The following MET variants were observed in gnomAD, a reference collection of about 807,000 sequenced individuals.
MET encodes hepatocyte growth factor receptor.
In MET, 48 loss-of-function variants were observed where a neutral mutation model predicts 133.1. The ratio of observed to expected loss-of-function variants is 0.36; its 90% CI spans 0.29 to 0.46. The LOEUF (loss-of-function observed/expected upper bound fraction) is 0.46. Ranked by LOEUF, MET falls within the 20% of genes least tolerant of loss-of-function variation. MET has a pLI of 1.00. For synonymous variants in MET, 628 were observed against 616.5 expected (o/e 1.02, Z -0.28); for missense variants, 1,442 against 1,695.9 (o/e 0.85, Z 2.63).
At chr7:116,724,434 T>A (rs1457789894) in intron 2 of MET, among the ~76,000 whole-genome samples, 1 of 152,234 alleles carries the variant, frequency 6.6e-6, no homozygotes, top group Non-Finnish European at 1.5e-5. Flanking sequence ...GTCTTCTGCG[T>A]CGCTCACGCT....
intron 2 of MET, 82 bp downstream of exon 2, chr7:116,700,366 C>T: frequency 2.7e-6 from 4 of 1,463,986 alleles, no homozygotes; most frequent in Non-Finnish European, 3.6e-6. Context: ...ATATCCAGGG[C>T]TTCTTTTGTG....
At chr7:116,780,800 A>G (rs1269621250) in intron 17 of MET, among the ~76,000 whole-genome samples, 1 of 152,210 alleles carries the variant, frequency 6.6e-6, no homozygotes, top group Non-Finnish European at 1.5e-5. Context: ...TTGAAGGGGA[A>G]TACCCCATTC....
intron 16 of MET, among the ~76,000 whole-genome samples, chr7:116,777,687 A>G (rs1336422435): frequency 1.3e-5 from 2 of 152,202 alleles, no homozygotes; most frequent in African/African-American, 4.8e-5. Flanking sequence ...AGGGGGTAGG[A>G]GAAATGAGGT....
chr7:116,734,886 T>A (rs1793152919), intron 3 of MET, among the ~76,000 whole-genome samples: 7 of 152,174 alleles, frequency 4.6e-5, no homozygotes, highest in Admixed American at 4.6e-4. Context: ...ATTGTCCACG[T>A]CTCCCTTCTG....
At chr7:116,730,173 G>A (rs1300316498) in intron 2 of MET, among the ~76,000 whole-genome samples, 1 of 152,222 alleles carries the variant, frequency 6.6e-6, no homozygotes, top group Non-Finnish European at 1.5e-5. Context: ...TGAAGGAGAT[G>A]TAGGAGTTAA....
At position 116,708,443 on chromosome 7, in the gene MET, T is replaced by G. The variant is rs145290321; in HGVS notation, c.1200+8159T>G. On this transcript the variant is annotated intron_variant, in intron 2 of 20. Coordinates refer to ENST00000397752, the MANE Select transcript of MET (RefSeq NM_000245.4). ...TTCTTAAGTGGTTTGTGGTCATTAG[T>G]GCATACTATCTTACACTTAGAAAAA... is the stretch of plus-strand genomic sequence containing the variant. Among the ~76,000 whole-genome samples the G allele has an allele frequency of 6.9e-4, 105 of 152,342 alleles. 1 individual carries two copies. The highest frequency in any genetic ancestry group is 2.5e-3 in the African/African-American group (102 of 41,586).
At chr7:116,724,923 A>G in intron 2 of MET, 1 of 1,188,172 alleles carries the variant, frequency 8.4e-7, no homozygotes, top group Admixed American at 2.5e-5. Flanking sequence ...TATTTGTAAA[A>G]TGCTTAGAAC....
chr7:116,709,636 T>A (rs1313420103), intron 2 of MET, among the ~76,000 whole-genome samples: 1 of 152,088 alleles, frequency 6.6e-6, no homozygotes, highest in Admixed American at 6.6e-5. Flanking sequence ...TGCCTACAAG[T>A]CAGAGAGGTC....
intron 5 of MET, among the ~76,000 whole-genome samples, chr7:116,754,935 G>GAA (rs561567490): frequency 1.2e-3 from 159 of 132,406 alleles, no homozygotes; most frequent in Admixed American, 2.2e-3. Flanking sequence ...AAGAAAGAAA[G>GAA]AAAGAAAGAA....
rs183451765 is a variant in MET at position 116,711,987 on chromosome 7, G to A, written c.1200+11703G>A. On this transcript the variant is annotated intron_variant, in intron 2 of 20. Transcript: ENST00000397752. ...AGTTTCAAGGTACCACTGAAACAGC[G>A]TTAGTCACTGAACAACAATGAGGAA... Among the ~76,000 whole-genome samples, 6 of 152,212 alleles carry A rather than the reference G, an allele frequency of 3.9e-5. No individual in the cohort carries two copies. In the East Asian group the frequency reaches 9.6e-4, roughly 24 times the overall value.
chr7:116,789,146 T>C (rs1369255277), intron 19 of MET, among the ~76,000 whole-genome samples: 1 of 152,216 alleles, frequency 6.6e-6, no homozygotes, highest in Admixed American at 6.5e-5. Context: ...CCAGTTTTCC[T>C]CCTGCTTCTA....
intron 1 of MET, among the ~76,000 whole-genome samples, chr7:116,695,397 A>G (rs1796927263): frequency 6.6e-6 from 1 of 152,232 alleles, no homozygotes; most frequent in Admixed American, 6.5e-5. Context: ...ATAAAATAGC[A>G]AGCATTTATA....
rs1794847447 is a variant in MET at position 116,771,902 on chromosome 7, G to T, written c.2941G>T (p.Asp981Tyr). 6.2e-7 allele frequency: 1 copy of T among 1,613,868 alleles called. No individual in the cohort carries two copies. Among genetic ancestry groups the T allele is most frequent in the Non-Finnish European group, 8.5e-7 (1 of 1,179,884 alleles). The change falls in exon 14 of 21, where the codon GAT (aspartate) becomes TAT (tyrosine). Residue 981 changes from aspartate (D) to tyrosine (Y), a missense_variant. Coordinates refer to ENST00000397752, the MANE Select transcript of MET (RefSeq NM_000245.4). ...TGCAAGAGTACACACTCCTCATTTGGATAGGCTTGTAAGTGCCCGAAGTGT... is the reference window on the plus strand; with the variant it reads ...TGCAAGAGTACACACTCCTCATTTGTATAGGCTTGTAAGTGCCCGAAGTGT... ...YDARVHTPHL[D>Y]RLVSARSVSP...
At chr7:116,762,019 A>G (rs1280722934) in intron 10 of MET, among the ~76,000 whole-genome samples, 4 of 152,134 alleles carry the variant, frequency 2.6e-5, no homozygotes, top group Admixed American at 2.6e-4. Context: ...TGGGGGAAAA[A>G]TGCAACCGTT....
chr7:116,793,824 G>A (rs760238138), intron 19 of MET, among the ~76,000 whole-genome samples: 50 of 150,926 alleles, frequency 3.3e-4, no homozygotes, highest in Admixed American at 7.2e-4. Flanking sequence ...GCTTGAACCC[G>A]GGAGGAAGAG....
At chr7:116,737,619 G>A (rs540071984) in intron 3 of MET, among the ~76,000 whole-genome samples, 90 of 152,224 alleles carry the variant, frequency 5.9e-4, no homozygotes, top group African/African-American at 2.1e-3. Flanking sequence ...TACCTTATAG[G>A]AGTATTGTGA....
intron 19 of MET, among the ~76,000 whole-genome samples, chr7:116,786,401 A>G (rs1795317588): frequency 6.6e-6 from 1 of 152,200 alleles, no homozygotes; most frequent in African/African-American, 2.4e-5. Flanking sequence ...GAGAGTCCAA[A>G]AGCAATTATT....
chr7:116,770,087 T>G (rs2116986214), intron 12 of MET, among the ~76,000 whole-genome samples: 2 of 152,084 alleles, frequency 1.3e-5, no homozygotes, highest in Non-Finnish European at 2.9e-5. Context: ...CATCCAAGAG[T>G]GTCCTTCTAC....
chr7:116,673,252 T>C (rs964973693), intron 1 of MET, among the ~76,000 whole-genome samples: 1 of 152,194 alleles, frequency 6.6e-6, no homozygotes, highest in Non-Finnish European at 1.5e-5. Context: ...CGAAGTACGG[T>C]TTCCCATTCA....
Sources: gnomAD v4.1 joint callset for allele counts (sites outside exome capture counted in the v4.1 genomes callset) on GRCh38, gnomAD v4.1.1 for gene constraint, MANE v1.5 for transcripts, NCBI Gene and HGNC (gene_info 2026-07-23, HGNC 2026-07-21) for gene names.